The following MRAP2 variants were observed in gnomAD, a reference collection of about 807,000 sequenced individuals.
MRAP2 encodes the protein melanocortin 2 receptor accessory protein 2.
In MRAP2, 20 loss-of-function variants were observed where a neutral mutation model predicts 17.4. The ratio of observed to expected loss-of-function variants is 1.15; its 90% confidence interval spans 0.81 to 1.67. MRAP2 has a LOEUF of 1.67. Ranked by LOEUF, MRAP2 falls within the 40% of genes most tolerant of loss-of-function variation. The pLI is 0.00. For synonymous variants in MRAP2, 96 were observed against 88.4 expected (o/e 1.09, Z -0.48); for missense variants, 238 against 240.0 (o/e 0.99, Z 0.05).
the MRAP2 span, chr6:84,124,303 A>G: frequency 6.6e-6 from 1 of 152,190 alleles, no homozygotes; most frequent in African/African-American, 2.4e-5. Context: ...AATTCATGGA[A>G]CCAACCTAAG....
chr6:84,093,472 G>C (rs1433674253), downstream of MRAP2, among the ~76,000 whole-genome samples: 1 of 152,126 alleles, frequency 6.6e-6, no homozygotes, highest in Non-Finnish European at 1.5e-5. Context: ...CAGCACCCTG[G>C]GTTCTTGTAA....
intron 1 of MRAP2, chr6:84,052,939 A>AT (rs1470403831): frequency 3.9e-6 from 1 of 255,448 alleles, no homozygotes; most frequent in Non-Finnish European, 6.1e-6. Context: ...ATGAAAGGGA[A>AT]TAGTGTAAGG....
At chr6:84,139,181 G>A in the MRAP2 span, among the ~76,000 whole-genome samples, 1 of 152,162 alleles carries the variant, frequency 6.6e-6, no homozygotes, top group Non-Finnish European at 1.5e-5. Flanking sequence ...TTAGTGAAGA[G>A]GGCTCTAGAT....
chr6:84,091,766 A>G (rs977352336), downstream of MRAP2, among the ~76,000 whole-genome samples: 1 of 152,182 alleles, frequency 6.6e-6, no homozygotes, highest in Admixed American at 6.5e-5. Flanking sequence ...CCCTTCTGCA[A>G]ATCAGCTTGC....
At chr6:84,076,312 C>T (rs1221911316) in intron 3 of MRAP2, among the ~76,000 whole-genome samples, 3 of 151,912 alleles carry the variant, frequency 2.0e-5, no homozygotes, top group African/African-American at 7.3e-5. Flanking sequence ...CAACCTCCAC[C>T]ACCTGGGTTC....
At chr6:84,109,529 C>T in the MRAP2 span, among the ~76,000 whole-genome samples, 2 of 151,436 alleles carry the variant, frequency 1.3e-5, no homozygotes, top group Admixed American at 6.6e-5. Flanking sequence ...TTTTGTATAC[C>T]GAAGTTGCTT....
At position 84,089,460 on chromosome 6, in the gene MRAP2, C is replaced by T. The variant is rs1449073541; in HGVS notation, c.597C>T (p.Thr199=). The T allele has an allele frequency of 6.2e-7, 1 of 1,613,562 alleles. No individual in the cohort carries two copies. The part of the protein sequence containing the change: ...IVLETKPLSQ[T]SHKDLD ...TGGAAACTAAGCCACTTTCCCAGAC[C>T]TCACACAAAGACCTGGATTGAGAAA... The change falls in exon 4 of 4, where the codon ACC becomes ACT. Residue 199 remains threonine, a synonymous_variant. Coordinates refer to ENST00000257776, the MANE Select transcript of MRAP2 (RefSeq NM_138409.4).
intron 3 of MRAP2, 62 bp downstream of exon 3, chr6:84,063,054 T>C: frequency 6.2e-7 from 1 of 1,609,888 alleles, no homozygotes; most frequent in Non-Finnish European, 8.5e-7. Context: ...AAATAGAAAC[T>C]ACTACCCAGG....
intron 1 of MRAP2, among the ~76,000 whole-genome samples, chr6:84,041,870 CT>C (rs2099487683): frequency 6.6e-6 from 1 of 152,134 alleles, no homozygotes; most frequent in Non-Finnish European, 1.5e-5. Context: ...TGGACTTGGA[CT>C]TTTGAGTTAA....
intron 1 of MRAP2, among the ~76,000 whole-genome samples, chr6:84,043,966 TTTTGTAAATG>T (rs2099488327): frequency 6.6e-6 from 1 of 152,196 alleles, no homozygotes; most frequent in African/African-American, 2.4e-5. Context: ...ATTAATGACA[TTTTGTAAATG>T]TTTTCTTTTC....
intron 3 of MRAP2, among the ~76,000 whole-genome samples, chr6:84,066,329 A>G (rs1477226859): frequency 6.6e-6 from 1 of 152,238 alleles, no homozygotes; most frequent in Non-Finnish European, 1.5e-5. Flanking sequence ...TTCTAAGCAC[A>G]ATATGACACA....
At chr6:84,033,687 C>T (rs1456315643), upstream of MRAP2, 1 of 985,234 alleles carries the variant, frequency 1.0e-6, no homozygotes, top group Middle Eastern at 5.2e-4. Flanking sequence ...GCGGCTCCCG[C>T]GCTGCAGCCC....
chr6:84,105,488 G>C, the MRAP2 span, among the ~76,000 whole-genome samples: 1 of 152,226 alleles, frequency 6.6e-6, no homozygotes, highest in South Asian at 2.1e-4. Flanking sequence ...ACTATCATGA[G>C]AACAGCATGG....
chr6:84,144,514 C>A, the MRAP2 span, among the ~76,000 whole-genome samples: 1 of 152,040 alleles, frequency 6.6e-6, no homozygotes, highest in Non-Finnish European at 1.5e-5. Context: ...CTGTTACTTT[C>A]CTAAGAGCTT....
rs1446674604 is a variant in MRAP2, at chr6:84,033,818, C to T, written c.-73C>T. ...GGGAGGCGGCGGCGGCGGCGGCGCT[C>T]GCGCACCTCGGAGGAGCCAGGAGCC... On this transcript the variant is annotated 5_prime_UTR_variant, in exon 1 of 4. Coordinates refer to ENST00000257776, the MANE Select transcript of MRAP2 (RefSeq NM_138409.4). 3 of 987,200 alleles carry T rather than the reference C, an allele frequency of 3.0e-6. No homozygotes were observed. The highest frequency in any genetic ancestry group is 3.5e-5 in the African/African-American group (2 of 56,954). The allele number at this position is 987,200 out of a possible 1,614,324, so 61.2% of individuals were successfully genotyped here.
At chr6:84,105,624 C>T in the MRAP2 span, among the ~76,000 whole-genome samples, 4 of 152,108 alleles carry the variant, frequency 2.6e-5, no homozygotes, top group African/African-American at 9.7e-5. Flanking sequence ...TAAGAGACAC[C>T]CTAAGGGATC....
intron 3 of MRAP2, among the ~76,000 whole-genome samples, chr6:84,064,237 T>C (rs947202093): frequency 2.0e-5 from 3 of 150,130 alleles, no homozygotes; most frequent in Non-Finnish European, 3.0e-5. Context: ...AGTTGTGACT[T>C]TGGGCTGAGG....
the MRAP2 span, among the ~76,000 whole-genome samples, chr6:84,097,828 A>G: frequency 6.6e-6 from 1 of 152,204 alleles, no homozygotes; most frequent in Non-Finnish European, 1.5e-5. Context: ...CATTGATACA[A>G]CATGGGAAAT....
At position 84,062,056 on chromosome 6, in the gene MRAP2, A is replaced by G. The variant is rs547538633; in HGVS notation, c.128-837A>G. The G allele has an allele frequency of 1.3e-4, 130 of 985,468 alleles. 1 individual carries two copies. The South Asian group carries it at 5.4e-3, about 41-fold the overall frequency. The allele number at this position is 985,468 out of a possible 1,614,324, so 61.0% of individuals were successfully genotyped here. On this transcript the variant is annotated intron_variant, in intron 2 of 3. Coordinates refer to ENST00000257776, the MANE Select transcript of MRAP2 (RefSeq NM_138409.4). ...GAAGTAATGAGAGCCTGAATTATCC[A>G]TGGTGAACGTAAGTGAGAATGCAAA...
Sources: gnomAD v4.1 joint callset for allele counts (sites outside exome capture counted in the v4.1 genomes callset) on GRCh38, gnomAD v4.1.1 for gene constraint, MANE v1.5 for transcripts, NCBI Gene and HGNC (gene_info 2026-07-23, HGNC 2026-07-21) for gene names.